MICAL3: variants seen among roughly 807,000 people sequenced by gnomAD.
MICAL3 encodes the protein [F-actin]-monooxygenase MICAL3.
In MICAL3, 62 loss-of-function variants were observed where a neutral mutation model predicts 207.4. The ratio of observed to expected loss-of-function variants is 0.30; its 90% confidence interval spans 0.24 to 0.37. The LOEUF (loss-of-function observed/expected upper bound fraction) is 0.37, where lower values mean the gene tolerates loss of function less well. Among genes scored for constraint, MICAL3 ranks in the 10% least tolerant of loss-of-function variants. The pLI is 1.00. For missense variants in MICAL3, 2,368 were observed against 2,635.6 expected (o/e 0.90, Z 2.22); for synonymous variants, 1,077 against 1,069.3 (o/e 1.01, Z -0.14).
At chr22:17,824,673 T>C (rs905584844) in intron 22 of MICAL3, among the ~76,000 whole-genome samples, 3 of 152,188 alleles carry the variant, frequency 2.0e-5, no homozygotes, top group African/African-American at 4.8e-5. Flanking sequence ...GTTAGGGCCA[T>C]GTGCCTCCCT....
rs1418939420 is a variant in MICAL3, at chr22:17,787,974, G to A, written c.*2758C>T. The stretch of plus-strand genomic sequence containing the variant: ...CGGTATTCAGCCTCCAGTTTAGTCA[G>A]CCTTGAGTCTGGGCTGCTCCCGCAC... On this transcript the variant is annotated 3_prime_UTR_variant, in exon 32 of 32. Coordinates refer to ENST00000441493, the MANE Select transcript of MICAL3 (RefSeq NM_015241.3). 1 of 152,226 alleles carries A rather than the reference G, an allele frequency of 6.6e-6. No homozygotes were observed. Among genetic ancestry groups the A allele is most frequent in the Non-Finnish European group, 1.5e-5 (1 of 68,058 alleles). The allele number at this position is 152,226 out of a possible 1,614,324, so 9.4% of individuals were successfully genotyped here.
intron 1 of MICAL3, among the ~76,000 whole-genome samples, chr22:17,953,227 A>C (rs958701871): frequency 6.6e-6 from 1 of 152,172 alleles, no homozygotes; most frequent in Non-Finnish European, 1.5e-5. Context: ...CTTTACCTGT[A>C]GGGCCTGAAC....
At chr22:17,888,296 A>T (rs1930103547) in intron 13 of MICAL3, among the ~76,000 whole-genome samples, 1 of 152,194 alleles carries the variant, frequency 6.6e-6, no homozygotes, top group Non-Finnish European at 1.5e-5. Context: ...CCCCACAGCC[A>T]ACACTCTAGC....
chr22:17,991,879 G>A (rs1456843610), intron 1 of MICAL3, among the ~76,000 whole-genome samples: 1 of 152,102 alleles, frequency 6.6e-6, no homozygotes, highest in Non-Finnish European at 1.5e-5. Context: ...TACTGTGCTG[G>A]CTAATGACAT....
intron 20 of MICAL3, among the ~76,000 whole-genome samples, chr22:17,836,152 C>T (rs1923340013): frequency 6.6e-6 from 1 of 152,236 alleles, no homozygotes. Flanking sequence ...AGAAATCCAA[C>T]AGGCACATGC....
intron 1 of MICAL3, among the ~76,000 whole-genome samples, chr22:17,930,953 C>T (rs1047149137): frequency 1.3e-5 from 2 of 152,240 alleles, no homozygotes; most frequent in Non-Finnish European, 2.9e-5. Context: ...CCCAACTGGA[C>T]AGCAGCTTCC....
At chr22:17,794,800 A>G (rs975859203) in intron 29 of MICAL3, among the ~76,000 whole-genome samples, 1 of 152,132 alleles carries the variant, frequency 6.6e-6, no homozygotes, top group African/African-American at 2.4e-5. Context: ...ACATCTCTAG[A>G]TCTGGGGTCT....
At chr22:17,929,598 T>TG (rs1415786796) in intron 1 of MICAL3, among the ~76,000 whole-genome samples, 6 of 145,946 alleles carry the variant, frequency 4.1e-5, no homozygotes, top group Non-Finnish European at 9.1e-5. Context: ...GACAGGGTCT[T>TG]GCTCTGTTGC....
intron 16 of MICAL3, among the ~76,000 whole-genome samples, chr22:17,882,864 C>A (rs1929562200): frequency 6.6e-6 from 1 of 152,212 alleles, no homozygotes; most frequent in African/African-American, 2.4e-5. Context: ...GCCCACACAG[C>A]CTGCCAGTCT....
intron 1 of MICAL3, among the ~76,000 whole-genome samples, chr22:17,913,286 C>T (rs984610321): frequency 2.6e-5 from 4 of 152,138 alleles, no homozygotes; most frequent in East Asian, 3.9e-4. Flanking sequence ...TGGGTCTCTG[C>T]GCTATAACCC....
intron 1 of MICAL3, among the ~76,000 whole-genome samples, chr22:17,946,681 T>C (rs1934083841): frequency 6.6e-6 from 1 of 152,200 alleles, no homozygotes; most frequent in Non-Finnish European, 1.5e-5. Flanking sequence ...GTTCCTCTTA[T>C]GTGGAAGATA....
At chr22:17,920,092 A>T (rs1201787761) in intron 1 of MICAL3, among the ~76,000 whole-genome samples, 1 of 152,216 alleles carries the variant, frequency 6.6e-6, no homozygotes, top group Non-Finnish European at 1.5e-5. Flanking sequence ...AGGACACAGG[A>T]CTCAAAGGGT....
intron 1 of MICAL3, among the ~76,000 whole-genome samples, chr22:17,989,607 A>G (rs1921436260): frequency 6.6e-6 from 1 of 152,030 alleles, no homozygotes; most frequent in African/African-American, 2.4e-5. Flanking sequence ...ATCTCACTTA[A>G]GACAATCCTA....
At position 17,887,383 on chromosome 22, in the gene MICAL3, T is replaced by A; in HGVS notation, c.1944A>T (p.Arg648Ser). The change falls in exon 14 of 32, where the codon AGA (arginine) becomes AGT (serine). Residue 648 changes from arginine (R) to serine (S), a missense_variant. By Grantham distance (110) the Arg-to-Ser change is moderately radical. Transcript: ENST00000441493. ...GTTTGCTTAGGAAGGAGATAGGGGA[T>A]CTGGTGCTGGCTATCAGGACTGCTT... ...EEKAVLIAST[R>S]SPISFLSKLG... The A allele has an allele frequency of 1.2e-6, 2 of 1,614,034 alleles. No homozygotes were observed. Among genetic ancestry groups the A allele is most frequent in the Non-Finnish European group, 1.7e-6 (2 of 1,179,894 alleles).
intron 25 of MICAL3, among the ~76,000 whole-genome samples, chr22:17,820,142 C>CAA (rs35565268): frequency 0.018 from 2,125 of 120,088 alleles, 59 homozygotes; most frequent in African/African-American, 0.054. Context: ...GACCCTGTCT[C>CAA]AAAAAAAAAA....
intron 1 of MICAL3, among the ~76,000 whole-genome samples, chr22:17,938,794 G>C (rs750864716): frequency 1.3e-5 from 2 of 152,132 alleles, no homozygotes; most frequent in Admixed American, 1.3e-4. Context: ...CATTCAGCAC[G>C]TGCAGCAAAA....
At chr22:17,993,527 G>A (rs1244414806) in intron 1 of MICAL3, among the ~76,000 whole-genome samples, 5 of 152,126 alleles carry the variant, frequency 3.3e-5, no homozygotes, top group Non-Finnish European at 7.4e-5. Flanking sequence ...GGAATCAGAA[G>A]GAAGAGAAGG....
At chr22:17,954,249 T>G (rs948715767) in intron 1 of MICAL3, among the ~76,000 whole-genome samples, 2 of 152,166 alleles carry the variant, frequency 1.3e-5, no homozygotes, top group African/African-American at 4.8e-5. Context: ...ACCACTATGA[T>G]AGGTGCAGGG....
At chr22:18,020,822 A>G (rs1924422726) in intron 1 of MICAL3, among the ~76,000 whole-genome samples, 1 of 151,524 alleles carries the variant, frequency 6.6e-6, no homozygotes, top group Admixed American at 6.6e-5. Context: ...GCTGAGGCAC[A>G]AGAATCACTT....
Sources: gnomAD v4.1 joint callset for allele counts (sites outside exome capture counted in the v4.1 genomes callset) on GRCh38, gnomAD v4.1.1 for gene constraint, MANE v1.5 for transcripts, NCBI Gene and HGNC (gene_info 2026-07-23, HGNC 2026-07-21) for gene names.